The following RUSC2 variants were observed in gnomAD, a reference collection of about 807,000 sequenced individuals.
RUSC2 encodes the protein AP-4 complex accessory subunit RUSC2.
In RUSC2, 34 loss-of-function variants were observed where a neutral mutation model predicts 122.2. The ratio of observed to expected loss-of-function variants is 0.28; its 90% CI spans 0.21 to 0.37. RUSC2 has a LOEUF of 0.37. RUSC2 is among the 10% of genes least tolerant of loss of function. The pLI is 1.00. For synonymous variants in RUSC2, 784 were observed against 790.0 expected, an observed-to-expected ratio of 0.99 and a Z score of 0.13; for missense variants, 1,747 against 1,952.4, an observed-to-expected ratio of 0.89 and a Z score of 1.98.
intron 1 of RUSC2, among the ~76,000 whole-genome samples, chr9:35,519,904 G>T (rs547192038): frequency 6.6e-6 from 1 of 152,162 alleles, no homozygotes; most frequent in South Asian, 2.1e-4. Flanking sequence ...TCCACAGCTG[G>T]CAAGTAATGT....
chr9:35,530,452 T>C (rs1821398636), intron 1 of RUSC2, among the ~76,000 whole-genome samples: 2 of 152,052 alleles, frequency 1.3e-5, no homozygotes, highest in Admixed American at 6.5e-5. Flanking sequence ...AGGATTTCCA[T>C]GATAAAGAAA....
chr9:35,517,468 C>T (rs1293906041), intron 1 of RUSC2, among the ~76,000 whole-genome samples: 2 of 151,882 alleles, frequency 1.3e-5, no homozygotes, highest in Non-Finnish European at 2.9e-5. Context: ...AATGCCACAT[C>T]AGTGGGATAC....
At chr9:35,521,409 C>A (rs1423756227) in intron 1 of RUSC2, among the ~76,000 whole-genome samples, 10 of 152,196 alleles carry the variant, frequency 6.6e-5, no homozygotes, top group Admixed American at 6.5e-4. Context: ...GGTTTATTAT[C>A]ATCAGATTTT....
rs139071560 is a variant in RUSC2 at position 35,517,117 on chromosome 9, G to C, written c.-93+26945G>C. ...CAAAGCTGAAATATTTACAGAAAGAGTTTGCTGATCCCTGATTTTGAGGCC... is the reference window on the plus strand; with the variant it reads ...CAAAGCTGAAATATTTACAGAAAGACTTTGCTGATCCCTGATTTTGAGGCC... On this transcript the variant is annotated intron_variant, in intron 1 of 11. Transcript: ENST00000361226. Among the ~76,000 whole-genome samples the C allele has an allele frequency of 3.5e-3, 527 of 152,322 alleles. 2 individuals carry two copies. Among genetic ancestry groups the C allele is most frequent in the African/African-American group, 0.012 (505 of 41,572 alleles).
chr9:35,503,653 A>G (rs1207881023), intron 1 of RUSC2, among the ~76,000 whole-genome samples: 1 of 152,056 alleles, frequency 6.6e-6, no homozygotes, highest in Non-Finnish European at 1.5e-5. Context: ...TGGTAGTTGT[A>G]CTTTCAGTTC....
rs2132554507 is a variant in RUSC2, at chr9:35,548,076, A to G, written c.1555A>G (p.Ser519Gly). ...CCTGGGCTCGCTGGAACGTATGTTG[A>G]GTTGCCCAGTGCGCTTGAGTGAGGG... Reference protein sequence around the residue: ...VRLGSLERMLSCPVRLSEGPA... With the variant: ...VRLGSLERMLGCPVRLSEGPA... The change falls in exon 2 of 12, where the codon AGT (serine) becomes GGT (glycine). Residue 519 changes from serine to glycine, a missense_variant. Ser to Gly is a moderately conservative substitution (Grantham distance 56). Transcript: ENST00000361226. The surrounding 1 kb of genome is among the most constrained non-coding windows in gnomAD (Gnocchi z 4.5). 1.2e-6 allele frequency: 2 copies of G among 1,613,292 alleles called. No homozygotes were observed. Among genetic ancestry groups the G allele is most frequent in the Middle Eastern group, 3.3e-4 (2 of 6,062 alleles).
At chr9:35,532,937 C>T (rs1039989920) in intron 1 of RUSC2, among the ~76,000 whole-genome samples, 1 of 151,938 alleles carries the variant, frequency 6.6e-6, no homozygotes, top group African/African-American at 2.4e-5. Context: ...TTTTAAGAGT[C>T]CATTTGTTAA....
chr9:35,525,636 TA>T, intron 1 of RUSC2, among the ~76,000 whole-genome samples: 1 of 152,194 alleles, frequency 6.6e-6, no homozygotes, highest in East Asian at 1.9e-4. Flanking sequence ...CCGTCTCTAC[TA>T]AAAATACAAA....
chr9:35,515,617 A>G (rs1290071865), intron 1 of RUSC2, among the ~76,000 whole-genome samples: 1 of 152,210 alleles, frequency 6.6e-6, no homozygotes, highest in Non-Finnish European at 1.5e-5. Flanking sequence ...GATCTTAGAT[A>G]AAGTTTATCT....
chr9:35,549,671 C>T (rs769276738), intron 2 of RUSC2, among the ~76,000 whole-genome samples: 5 of 152,156 alleles, frequency 3.3e-5, no homozygotes, highest in Admixed American at 6.5e-5. Flanking sequence ...GAAGAATGTT[C>T]TAGGCTCACA....
intron 1 of RUSC2, among the ~76,000 whole-genome samples, chr9:35,519,755 T>C (rs1224843814): frequency 6.6e-6 from 1 of 152,210 alleles, no homozygotes; most frequent in Non-Finnish European, 1.5e-5. Flanking sequence ...TAATGACTTA[T>C]TACTAAGCAC....
At chr9:35,559,564 GTC>G (rs1822097335) in intron 9 of RUSC2, among the ~76,000 whole-genome samples, 1 of 152,232 alleles carries the variant, frequency 6.6e-6, no homozygotes, top group Non-Finnish European at 1.5e-5. Context: ...GTGAAACCCC[GTC>G]TCTACTAAAA....
At position 35,555,258 on chromosome 9, in the gene RUSC2, C is replaced by T. The variant is rs1307360207; in HGVS notation, c.2213C>T (p.Ala738Val). ...TQQPAPLAAP[A>V]AQVSVPAPSG... Reference sequence around the variant, plus strand: ...CAGCCTGCCCCACTGGCTGCCCCTGCTGCTCAAGTCTCAGTCCCAGCTCCC... The same window carrying T: ...CAGCCTGCCCCACTGGCTGCCCCTGTTGCTCAAGTCTCAGTCCCAGCTCCC... Residue 738 changes from alanine (A) to valine (V), a missense_variant, in exon 3 of 12, where the codon GCT becomes GTT. Coordinates refer to ENST00000361226, the MANE Select transcript of RUSC2 (RefSeq NM_014806.5). This position sits in a 1 kb window ranked among gnomAD's most constrained non-coding sequence, Gnocchi z 4.6. 6.2e-7 allele frequency: 1 copy of T among 1,613,344 alleles called. No individual in the cohort carries two copies. The highest frequency in any genetic ancestry group is 1.1e-5 in the South Asian group (1 of 91,076).
At position 35,546,698 on chromosome 9, in the gene RUSC2, A is replaced by C; in HGVS notation, c.177A>C (p.Leu59=). The C allele has an allele frequency of 6.4e-7, 1 of 1,561,540 alleles. No individual in the cohort carries two copies. The highest frequency in any genetic ancestry group is 8.7e-7 in the Non-Finnish European group (1 of 1,154,614). Residue 59 remains leucine, a synonymous_variant, in exon 2 of 12, where the codon CTA becomes CTC. Coordinates refer to ENST00000361226, the MANE Select transcript of RUSC2 (RefSeq NM_014806.5). This position sits in a 1 kb window ranked among gnomAD's most constrained non-coding sequence, Gnocchi z 4.3. ...GCATCACCCAGCCCGATCAAGACCT[A>C]GGACAAGCTGACTCCCTGCTATTCA... ...ELGITQPDQD[L]GQADSLLFSS... is the part of the protein sequence containing the mutation.
intron 9 of RUSC2, among the ~76,000 whole-genome samples, chr9:35,559,537 C>A (rs562858305): frequency 1.3e-5 from 2 of 152,292 alleles, no homozygotes; most frequent in East Asian, 3.9e-4. Context: ...GAGTTTGAGA[C>A]TAGCCTGGGC....
At chr9:35,550,158 C>A (rs1289610053) in intron 2 of RUSC2, among the ~76,000 whole-genome samples, 1 of 150,046 alleles carries the variant, frequency 6.7e-6, no homozygotes, top group East Asian at 2.0e-4. Flanking sequence ...TGCAGTGAGC[C>A]GAGATCACGC....
At chr9:35,507,666 G>A in intron 1 of RUSC2, 1 of 231,754 alleles carries the variant, frequency 4.3e-6, no homozygotes, top group Non-Finnish European at 9.0e-6. Context: ...TTCTCTGTGT[G>A]TCTAGGGAAA....
chr9:35,548,102 C>T lies in RUSC2; in HGVS notation c.1581C>T (p.Gly527=), dbSNP rs750171028. 6.2e-7 allele frequency: 1 copy of T among 1,613,174 alleles called. No individual in the cohort carries two copies. Among genetic ancestry groups the T allele is most frequent in the Non-Finnish European group, 8.5e-7 (1 of 1,180,030 alleles). The change falls in exon 2 of 12, where the codon GGC becomes GGT. Residue 527 remains glycine (G), a synonymous_variant. Coordinates refer to ENST00000361226, the MANE Select transcript of RUSC2 (RefSeq NM_014806.5). This position sits in a 1 kb window ranked among gnomAD's most constrained non-coding sequence, Gnocchi z 4.5. ...GTTGCCCAGTGCGCTTGAGTGAGGG[C>T]CCTGCAGCCATGGCCGGGCCTGGCT... The part of the protein sequence containing the change: ...MLSCPVRLSE[G]PAAMAGPGSP...
intron 1 of RUSC2, among the ~76,000 whole-genome samples, chr9:35,545,836 G>C (rs768819015): frequency 3.3e-5 from 5 of 152,136 alleles, no homozygotes; most frequent in Non-Finnish European, 7.4e-5. Flanking sequence ...CTTAGCCCAC[G>C]GTCATCAGAA....
Sources: gnomAD v4.1 joint callset for allele counts (sites outside exome capture counted in the v4.1 genomes callset) on GRCh38, gnomAD v4.1.1 for gene constraint, Gnocchi (gnomAD v3.1) non-coding constraint, MANE v1.5 for transcripts, NCBI Gene and HGNC (gene_info 2026-07-23, HGNC 2026-07-21) for gene names.